Variants in TSPAN12 observed in about 807,000 individuals in gnomAD.
TSPAN12 encodes tetraspanin-12.
In TSPAN12, 19 loss-of-function variants were observed where a neutral mutation model predicts 39.2. The observed-to-expected ratio is 0.49, with a 90% CI of 0.34 to 0.71. TSPAN12 has a LOEUF of 0.71. Among genes scored for constraint, TSPAN12 ranks in the 30% least tolerant of loss-of-function variants. The pLI is 0.01. For missense variants in TSPAN12, 314 were observed against 359.9 expected (o/e 0.87, Z 1.03); for synonymous variants, 119 against 124.8 (o/e 0.95, Z 0.31).
At chr7:120,817,551 T>C (rs1010839534) in intron 4 of TSPAN12, among the ~76,000 whole-genome samples, 1 of 152,178 alleles carries the variant, frequency 6.6e-6, no homozygotes. Flanking sequence ...GGCTACCTCA[T>C]TTTACAAACA....
Position 120,810,496 on chromosome 7 carries a change from C to A in TSPAN12, c.435G>T (p.Trp145Cys). 1 of 1,613,802 alleles carries A rather than the reference C, an allele frequency of 6.2e-7. No homozygotes were observed. The highest frequency in any genetic ancestry group is 8.5e-7 in the Non-Finnish European group (1 of 1,179,830). ...MTNYGLPRYR[W>C]LTHAWNFFQR... ...GAAAAAAATTCCAAGCATGAGTAAG[C>A]CACCGATATCTAGGTAATCCATAAT... The change falls in exon 6 of 8, where the codon TGG becomes TGT. Residue 145 changes from tryptophan to cysteine, a missense_variant. By Grantham distance (215) the Trp-to-Cys change is radical. Transcript: ENST00000222747.
In TSPAN12 at chr7:120,840,132, C is replaced by T. The variant is rs77703031; in HGVS notation, c.67-23G>A. On this transcript the variant is annotated intron_variant, in intron 2 of 7. Transcript: ENST00000222747. ...TAACTGGGGAGAAAAAAGTACAAAC[C>T]GGTTACCAAAGATTTACGTAACATT... 0.026 allele frequency: 41,093 copies of T among 1,575,718 alleles called. 998 individuals carry two copies. The highest frequency in any genetic ancestry group is 0.12 in the African/African-American group (9,126 of 74,202).
chr7:120,816,816 G>A (rs1339385834), intron 4 of TSPAN12, among the ~76,000 whole-genome samples: 1 of 152,132 alleles, frequency 6.6e-6, no homozygotes, highest in Non-Finnish European at 1.5e-5. Flanking sequence ...GGGGGATGGT[G>A]AAGATGCCTT....
intron 2 of TSPAN12, among the ~76,000 whole-genome samples, chr7:120,843,651 G>A (rs1358125001): frequency 6.6e-6 from 1 of 152,012 alleles, no homozygotes; most frequent in Non-Finnish European, 1.5e-5. Flanking sequence ...TCCCCTCTTG[G>A]CCCCCCATAA....
intron 3 of TSPAN12, 94 bp from the exon 4 acceptor site, chr7:120,839,006 TC>T: frequency 7.5e-7 from 1 of 1,327,486 alleles, no homozygotes; most frequent in Non-Finnish European, 1.1e-6. Context: ...TGTTAATAAT[TC>T]TTTCAATCAT....
intron 6 of TSPAN12, 94 bp from the exon 7 acceptor site, chr7:120,806,786 C>A: frequency 6.7e-7 from 1 of 1,492,634 alleles, no homozygotes; most frequent in African/African-American, 1.4e-5. Context: ...ATTTTTGTAC[C>A]CAGAGCTATA....
rs755062544 is a variant in TSPAN12, at chr7:120,815,748, G to C, written c.341C>G (p.Thr114Arg). The C allele has an allele frequency of 6.2e-7, 1 of 1,612,588 alleles. No homozygotes were observed. Among genetic ancestry groups the C allele is most frequent in the Non-Finnish European group, 8.5e-7 (1 of 1,179,444 alleles). Residue 114 changes from threonine to arginine, a missense_variant, in exon 5 of 8, where the codon ACA becomes AGA. By Grantham distance (71) the Thr-to-Arg change is moderately conservative. Transcript: ENST00000222747. ...FCVELACGVW[T>R]YEQELMVPVQ... is the part of the protein sequence containing the mutation. ...ACTCACCATAAGTTCCTGTTCATAT[G>C]TCCAAACGCCACAAGCCAGTTCTAC...
intron 7 of TSPAN12, among the ~76,000 whole-genome samples, chr7:120,802,007 T>C (rs758937934): frequency 2.4e-4 from 37 of 152,238 alleles, no homozygotes; most frequent in Non-Finnish European, 4.6e-4. Context: ...CCCAGCTCTA[T>C]AAAGACTTAT....
At chr7:120,808,794 G>T (rs1004668842) in intron 6 of TSPAN12, among the ~76,000 whole-genome samples, 1 of 151,948 alleles carries the variant, frequency 6.6e-6, no homozygotes, top group African/African-American at 2.4e-5. Flanking sequence ...TGCAATACAG[G>T]TTATTCTAGA....
chr7:120,814,142 A>T, intron 5 of TSPAN12: 1 of 454,632 alleles, frequency 2.2e-6, no homozygotes, highest in South Asian at 1.6e-5. Context: ...TATTCAAAAC[A>T]GTCTCGAAGC....
At position 120,842,368 on chromosome 7, in the gene TSPAN12, G is replaced by A. The variant is rs183359696; in HGVS notation, c.67-2259C>T. Among the ~76,000 whole-genome samples the A allele has an allele frequency of 2.0e-5, 3 of 149,978 alleles. No homozygotes were observed. The East Asian group carries it at 5.9e-4, about 29-fold the overall frequency. ...AGATTCAGAGACTGACAATAAATAA[G>A]AGAAATAAGATCCAGGCCTTCTTGG... On this transcript the variant is annotated intron_variant, in intron 2 of 7. Transcript: ENST00000222747.
At chr7:120,822,901 G>A (rs2189452) in intron 4 of TSPAN12, among the ~76,000 whole-genome samples, 8,004 of 152,160 alleles carry the variant, frequency 0.053, 526 homozygotes, top group East Asian at 0.31. Context: ...TCCTACAAAG[G>A]TTCAAGACTC....
chr7:120,800,728 T>A (rs1407368188), intron 7 of TSPAN12, among the ~76,000 whole-genome samples: 2 of 146,052 alleles, frequency 1.4e-5, no homozygotes, highest in Non-Finnish European at 3.0e-5. Context: ...CCTGCTGAAA[T>A]AAAGTTTTCC....
intron 5 of TSPAN12, among the ~76,000 whole-genome samples, chr7:120,812,583 CTTTG>C (rs1271903828): frequency 6.6e-6 from 1 of 152,016 alleles, no homozygotes; most frequent in Admixed American, 6.5e-5. Flanking sequence ...TCGTTTTTTT[CTTTG>C]TTAACTTTTT....
intron 4 of TSPAN12, among the ~76,000 whole-genome samples, chr7:120,828,408 T>C (rs1442766598): frequency 6.6e-6 from 1 of 152,156 alleles, no homozygotes; most frequent in African/African-American, 2.4e-5. Context: ...CTGATACACA[T>C]ATACCCTAAG....
At chr7:120,808,890 G>A (rs1793925245) in intron 6 of TSPAN12, among the ~76,000 whole-genome samples, 1 of 151,808 alleles carries the variant, frequency 6.6e-6, no homozygotes, top group Non-Finnish European at 1.5e-5. Context: ...AGAGTTTATA[G>A]AGATTGTTGA....
intron 2 of TSPAN12, among the ~76,000 whole-genome samples, chr7:120,842,911 T>C (rs868813958): frequency 6.6e-6 from 1 of 151,998 alleles, no homozygotes; most frequent in African/African-American, 2.4e-5. Flanking sequence ...GGACGCATTC[T>C]AGAGCATCAC....
intron 6 of TSPAN12, among the ~76,000 whole-genome samples, chr7:120,809,649 T>C (rs181117780): frequency 2.4e-4 from 36 of 152,268 alleles, no homozygotes; most frequent in Admixed American, 6.5e-4. Flanking sequence ...TACTTATCCA[T>C]CTGGGAATGT....
chr7:120,789,969 G>C (rs918150857), intron 7 of TSPAN12, among the ~76,000 whole-genome samples: 11 of 152,166 alleles, frequency 7.2e-5, no homozygotes, highest in Non-Finnish European at 1.5e-4. Context: ...GGTGGGGGGT[G>C]GCCAGATTTT....
Sources: gnomAD v4.1 joint callset for allele counts (sites outside exome capture counted in the v4.1 genomes callset) on GRCh38, gnomAD v4.1.1 for gene constraint, MANE v1.5 for transcripts, NCBI Gene and HGNC (gene_info 2026-07-23, HGNC 2026-07-21) for gene names.